The following BCL2 variants were observed in gnomAD, a reference collection of about 807,000 sequenced individuals.
BCL2 encodes BCL2 apoptosis regulator.
BCL2 carries 1 observed loss-of-function variant against 14.2 expected under a neutral mutation model. The ratio of observed to expected loss-of-function variants is 0.07; its 90% CI spans 0.02 to 0.33. The LOEUF (loss-of-function observed/expected upper bound fraction) is 0.33, where lower values mean the gene tolerates loss of function less well. Among genes scored for constraint, BCL2 ranks in the 10% least tolerant of loss-of-function variants. The pLI is 0.99. For missense variants in BCL2, 247 were observed against 305.9 expected, an observed-to-expected ratio of 0.81 and a Z score of 1.44; for synonymous variants, 151 against 137.2, an observed-to-expected ratio of 1.10 and a Z score of -0.70.
intron 2 of BCL2, among the ~76,000 whole-genome samples, chr18:63,245,167 T>G (rs1470662090): frequency 6.6e-6 from 1 of 152,222 alleles, no homozygotes; most frequent in Non-Finnish European, 1.5e-5. Flanking sequence ...CCCCAAGTTG[T>G]GTGGTGCCAG....
At chr18:63,276,031 A>C (rs916449251) in intron 2 of BCL2, among the ~76,000 whole-genome samples, 2 of 152,224 alleles carry the variant, frequency 1.3e-5, no homozygotes, top group African/African-American at 4.8e-5. Flanking sequence ...GGTTTAGGGC[A>C]CAAAGGACAC....
At chr18:63,210,125 C>T (rs1228498112) in intron 2 of BCL2, among the ~76,000 whole-genome samples, 3 of 152,166 alleles carry the variant, frequency 2.0e-5, no homozygotes, top group Non-Finnish European at 2.9e-5. Context: ...AGACACAGTG[C>T]AGACCAAAGG....
chr18:63,181,184 A>G (rs1201182600), intron 2 of BCL2, among the ~76,000 whole-genome samples: 1 of 152,202 alleles, frequency 6.6e-6, no homozygotes, highest in African/African-American at 2.4e-5. Context: ...AATTTGGAGG[A>G]TGCCAGTTTT....
intron 2 of BCL2, among the ~76,000 whole-genome samples, chr18:63,295,776 G>A (rs1409279848): frequency 1.3e-5 from 2 of 152,060 alleles, no homozygotes; most frequent in Non-Finnish European, 2.9e-5. Context: ...CCAATGCTGG[G>A]TGACTACCTG....
chr18:63,236,550 C>T (rs1208134143), intron 2 of BCL2, among the ~76,000 whole-genome samples: 1 of 152,194 alleles, frequency 6.6e-6, no homozygotes, highest in East Asian at 1.9e-4. Flanking sequence ...AAGAAGACAA[C>T]CTCTTCCTTT....
At chr18:63,226,496 A>T (rs185997854) in intron 2 of BCL2, among the ~76,000 whole-genome samples, 1 of 152,342 alleles carries the variant, frequency 6.6e-6, no homozygotes, top group East Asian at 1.9e-4. Context: ...GGTTGAATAA[A>T]CTATAATATA....
intron 2 of BCL2, among the ~76,000 whole-genome samples, 179 bp from the exon 3 acceptor site, chr18:63,128,938 T>C (rs530401524): frequency 6.6e-6 from 1 of 152,354 alleles, no homozygotes; most frequent in African/African-American, 2.4e-5. Flanking sequence ...TTTTCATTAA[T>C]TCAAGGCATA....
chr18:63,274,611 A>G lies in BCL2; in HGVS notation c.585+43471T>C, dbSNP rs545318862. On this transcript the variant is annotated intron_variant, in intron 2 of 2. Transcript: ENST00000333681. ...ATTTTATAATGATACTCTAAATAACACTTTTCCTACACTGGATATGCACAA... is the reference window on the plus strand; with the variant it reads ...ATTTTATAATGATACTCTAAATAACGCTTTTCCTACACTGGATATGCACAA... 1.3e-3 allele frequency among the ~76,000 whole-genome samples: 200 copies of G among 152,098 alleles called. 1 individual carries two copies. Among genetic ancestry groups the G allele is most frequent in the Non-Finnish European group, 2.4e-3 (160 of 67,982 alleles).
At chr18:63,201,892 G>A (rs987871355) in intron 2 of BCL2, among the ~76,000 whole-genome samples, 14 of 152,098 alleles carry the variant, frequency 9.2e-5, no homozygotes, top group African/African-American at 2.9e-4. Flanking sequence ...ACAGGGTGAT[G>A]AGTGCAGCAA....
rs960512265 is a variant in BCL2, at chr18:63,229,114, C to G, written c.585+88968G>C. Among the ~76,000 whole-genome samples the G allele has an allele frequency of 9.9e-5, 15 of 152,274 alleles. No homozygotes were observed. In the East Asian group the frequency reaches 2.9e-3, roughly 29 times the overall value. ...CTCATGACGCAGTGTCAAATATTTA[C>G]AGCAAAAATTGAATTAACTACAAGA... On this transcript the variant is annotated intron_variant, in intron 2 of 2. Coordinates refer to ENST00000333681, the MANE Select transcript of BCL2 (RefSeq NM_000633.3).
chr18:63,162,988 G>C (rs1914960655), intron 2 of BCL2, among the ~76,000 whole-genome samples: 1 of 152,188 alleles, frequency 6.6e-6, no homozygotes, highest in Non-Finnish European at 1.5e-5. Context: ...CTGAGTAGCT[G>C]GGACTATAGG....
At position 63,129,020 on chromosome 18, in the gene BCL2, T is replaced by C. The variant is rs1193873494; in HGVS notation, c.586-261A>G. On this transcript the variant is annotated intron_variant, in intron 2 of 2. Transcript: ENST00000333681. The stretch of plus-strand genomic sequence containing the variant: ...GTGCATAAAATAGACTAAAAGTTCC[T>C]ACTTCACGAAGCTTCCATTGAGTGG... 2.0e-5 allele frequency among the ~76,000 whole-genome samples: 3 copies of C among 152,338 alleles called. No homozygotes were observed. The East Asian group carries it at 5.8e-4, about 29-fold the overall frequency.
At chr18:63,284,325 T>G (rs979311720) in intron 2 of BCL2, among the ~76,000 whole-genome samples, 12 of 152,066 alleles carry the variant, frequency 7.9e-5, no homozygotes, top group Non-Finnish European at 1.5e-4. Context: ...CTAAGAAGTC[T>G]AAGAATACCC....
intron 2 of BCL2, among the ~76,000 whole-genome samples, chr18:63,180,027 T>TA (rs1247165984): frequency 6.6e-6 from 1 of 152,198 alleles, no homozygotes; most frequent in Non-Finnish European, 1.5e-5. Context: ...AGCCCCAAGT[T>TA]ACAAAAGCAC....
chr18:63,260,556 AG>A (rs1199274127), intron 2 of BCL2, among the ~76,000 whole-genome samples: 1 of 152,214 alleles, frequency 6.6e-6, no homozygotes. Flanking sequence ...CAGACAGCAA[AG>A]GGCCAACCAG....
chr18:63,244,859 C>T (rs1911111207), intron 2 of BCL2, among the ~76,000 whole-genome samples: 1 of 152,186 alleles, frequency 6.6e-6, no homozygotes, highest in Non-Finnish European at 1.5e-5. Flanking sequence ...ACAGATGCAA[C>T]TTTTGGATGT....
intron 2 of BCL2, among the ~76,000 whole-genome samples, chr18:63,150,787 A>G (rs978266898): frequency 6.6e-6 from 1 of 152,208 alleles, no homozygotes. Flanking sequence ...TGGCAGAAAA[A>G]TGTCCAGAAA....
intron 2 of BCL2, among the ~76,000 whole-genome samples, chr18:63,291,620 C>T (rs757051384): frequency 1.3e-5 from 2 of 152,072 alleles, no homozygotes; most frequent in African/African-American, 2.4e-5. Context: ...CTCGGGAACA[C>T]ATGAAAGAGT....
At chr18:63,137,833 G>A (rs949875901) in intron 2 of BCL2, among the ~76,000 whole-genome samples, 2 of 152,224 alleles carry the variant, frequency 1.3e-5, no homozygotes, top group Admixed American at 6.5e-5. Flanking sequence ...GAGGGTGAAA[G>A]GACAATAGCA....
Sources: allele counts gnomAD v4.1 joint callset (sites outside exome capture counted in the v4.1 genomes callset), GRCh38; gene constraint gnomAD v4.1.1; transcripts MANE v1.5; gene names NCBI Gene and HGNC (gene_info 2026-07-23, HGNC 2026-07-21).